NDUFA10: variants seen among roughly 807,000 people sequenced by gnomAD.
NDUFA10 encodes NADH:ubiquinone oxidoreductase subunit A10.
In NDUFA10, 40 loss-of-function variants were observed where a neutral mutation model predicts 47.8. The observed-to-expected ratio is 0.84, with a 90% CI of 0.65 to 1.09. The LOEUF (loss-of-function observed/expected upper bound fraction) is 1.09, where lower values mean the gene tolerates loss of function less well. Among genes scored for constraint, NDUFA10 ranks in the 50% least tolerant of loss-of-function variants. The pLI, the probability that NDUFA10 is intolerant of heterozygous loss-of-function variation, is 0.00. For synonymous variants in NDUFA10, 183 were observed against 172.2 expected (o/e 1.06, Z -0.49); for missense variants, 413 against 451.1 (o/e 0.92, Z 0.76).
Position 239,945,549 on chromosome 2 carries a change from G to A in NDUFA10, c.294+44525C>T, listed in dbSNP as rs968563219. Among the ~76,000 whole-genome samples the A allele has an allele frequency of 3.3e-5, 5 of 152,100 alleles. No individual in the cohort carries two copies. Among genetic ancestry groups the A allele is most frequent in the African/African-American group, 1.2e-4 (5 of 41,430 alleles). ...TCAGGGCTGCAGTCTACCCCGTATG[G>A]CCAGGCTGGGAGGATCCTGGGGGCT... On this transcript the variant is annotated intron_variant, in intron 4 of 5. Transcript: ENST00000419408. The surrounding 1 kb of genome is among the most constrained non-coding windows in gnomAD (Gnocchi z 4.6).
chr2:239,923,415 T>A (rs1200383132), intron 4 of NDUFA10, among the ~76,000 whole-genome samples: 1 of 152,060 alleles, frequency 6.6e-6, no homozygotes, highest in Non-Finnish European at 1.5e-5. Flanking sequence ...ACTGAAACCA[T>A]ACAAAATATG....
At chr2:239,956,736 G>A (rs1036168020), downstream of NDUFA10, among the ~76,000 whole-genome samples, 3 of 152,178 alleles carry the variant, frequency 2.0e-5, no homozygotes, top group Non-Finnish European at 4.4e-5. Context: ...GGAGACAAAC[G>A]CGCTCGTTCT....
intron 4 of NDUFA10, among the ~76,000 whole-genome samples, chr2:239,931,362 T>C (rs940698593): frequency 2.0e-5 from 3 of 152,190 alleles, no homozygotes; most frequent in African/African-American, 7.2e-5. Context: ...TCGATGACAC[T>C]TGTCATTGGA....
intron 4 of NDUFA10, among the ~76,000 whole-genome samples, chr2:239,929,615 G>GCCCTGCTCCTCCACTGC (rs1694125047): frequency 2.7e-5 from 4 of 146,582 alleles, no homozygotes; most frequent in Non-Finnish European, 4.5e-5. Context: ...TTCTCCACCA[G>GCCCTGCTCCTCCACTGC]CCCTGCTCCT....
Position 239,959,939 on chromosome 2 carries a change from C to G in NDUFA10, c.*1179G>C. ...CAGCAGCGAGGCCTGGTAGAGCTTC[C>G]GCGGGGAGCAGAGCATCGTCCTCTG... On this transcript the variant is annotated 3_prime_UTR_variant, in exon 10 of 10. Coordinates refer to ENST00000252711, the MANE Select transcript of NDUFA10 (RefSeq NM_004544.4). The G allele has an allele frequency of 2.0e-6, 2 of 985,498 alleles. No homozygotes were observed. The highest frequency in any genetic ancestry group is 2.4e-6 in the Non-Finnish European group (2 of 829,952). The allele number at this position is 985,498 out of a possible 1,614,324, so 61.0% of individuals were successfully genotyped here.
chr2:240,017,545 C>T (rs1336366906), intron 4 of NDUFA10, among the ~76,000 whole-genome samples: 2 of 152,176 alleles, frequency 1.3e-5, no homozygotes, highest in African/African-American at 4.8e-5. Flanking sequence ...ATTGGTTCAA[C>T]AGCCCCCAAC....
intron 4 of NDUFA10, among the ~76,000 whole-genome samples, chr2:240,015,674 T>G (rs536012856): frequency 1.4e-3 from 208 of 152,068 alleles, no homozygotes; most frequent in African/African-American, 4.8e-3. Flanking sequence ...CTGCCGCTCT[T>G]CAGAGCACTC....
chr2:239,962,140 C>T (rs569565345), intron 9 of NDUFA10, among the ~76,000 whole-genome samples: 5 of 151,720 alleles, frequency 3.3e-5, no homozygotes, highest in Admixed American at 1.3e-4. Flanking sequence ...TGTCGCCCAG[C>T]GATGGCAGGT....
intron 4 of NDUFA10, among the ~76,000 whole-genome samples, chr2:239,895,611 T>A (rs181507189): frequency 1.0e-3 from 157 of 152,336 alleles, no homozygotes; most frequent in Non-Finnish European, 1.8e-3. Context: ...GTAAAGAAAA[T>A]TTCAATTTTT....
chr2:239,932,422 C>T (rs551651481), intron 4 of NDUFA10, among the ~76,000 whole-genome samples: 16 of 152,340 alleles, frequency 1.1e-4, no homozygotes, highest in African/African-American at 3.8e-4. Flanking sequence ...AGCAGTAAAA[C>T]ATTTCTGCGC....
chr2:239,974,670 A>G (rs191963277), intron 9 of NDUFA10, among the ~76,000 whole-genome samples: 1 of 152,266 alleles, frequency 6.6e-6, no homozygotes, highest in East Asian at 1.9e-4. Flanking sequence ...TCATTTAAAA[A>G]TATGTGACAC....
In NDUFA10 at chr2:239,960,689, C is replaced by A; in HGVS notation, c.*429G>T. ...CAGGGCCCAGAGCAGCGTGTGTGCA[C>A]GTGTGCAGTTTCGACGTGCCCGCAC... is the stretch of plus-strand genomic sequence containing the variant. On this transcript the variant is annotated 3_prime_UTR_variant, in exon 10 of 10. Transcript: ENST00000252711. 8.7e-7 allele frequency: 1 copy of A among 1,155,558 alleles called. No homozygotes were observed. The highest frequency in any genetic ancestry group is 5.9e-5 in the East Asian group (1 of 16,954). 71.6% of individuals were successfully genotyped at this position (1,155,558 alleles called of 1,614,324 possible).
rs1694068382 is a variant in NDUFA10, at chr2:239,926,526, C to T, written c.295-31212G>A. On this transcript the variant is annotated intron_variant, in intron 4 of 5. Coordinates refer to the NDUFA10 transcript ENST00000419408. ...ATGCAATTATGTACAGTACATAATA[C>T]TGATGAAAATAACTGACGATATTTC... Among the ~76,000 whole-genome samples, 3 of 152,084 alleles carry T rather than the reference C, an allele frequency of 2.0e-5. 1 individual carries two copies. In the South Asian group the frequency reaches 6.2e-4, roughly 31 times the overall value.
At chr2:239,908,410 G>T (rs1037710357) in intron 4 of NDUFA10, among the ~76,000 whole-genome samples, 6 of 152,166 alleles carry the variant, frequency 3.9e-5, no homozygotes, top group Admixed American at 3.3e-4. Context: ...AAAAACAAAA[G>T]AAAAAGAAAA....
downstream of NDUFA10, among the ~76,000 whole-genome samples, chr2:239,952,400 G>A (rs180780421): frequency 3.4e-3 from 520 of 152,198 alleles, 5 homozygotes; most frequent in Non-Finnish European, 4.4e-3. Flanking sequence ...TGTGCAGCCC[G>A]CAGCAAACCC....
chr2:239,910,215 A>G (rs1348356923), intron 4 of NDUFA10, among the ~76,000 whole-genome samples: 1 of 152,232 alleles, frequency 6.6e-6, no homozygotes, highest in East Asian at 1.9e-4. Context: ...CTGTTACTGC[A>G]TATATACTCA....
intron 3 of NDUFA10, 127 bp downstream of exon 3, chr2:240,021,070 G>T: frequency 2.6e-6 from 2 of 762,370 alleles, no homozygotes; most frequent in Non-Finnish European, 4.5e-6. Context: ...TGATCTTGTT[G>T]GAAAGACAGA....
rs185729636 is a variant in NDUFA10, at chr2:239,918,245, T to G, written c.295-22931A>C. Among the ~76,000 whole-genome samples, 214 of 152,068 alleles carry G rather than the reference T, an allele frequency of 1.4e-3. 1 individual carries two copies. Among genetic ancestry groups the G allele is most frequent in the African/African-American group, 4.9e-3 (202 of 41,488 alleles). On this transcript the variant is annotated intron_variant, in intron 4 of 5. Coordinates refer to the NDUFA10 transcript ENST00000419408. ...GCCATGTTGCCAGGAAAACCCACCA[T>G]TGGGTATTTTCCACTGAGGTCCCAC...
At chr2:239,967,898 T>C (rs531758286) in intron 9 of NDUFA10, among the ~76,000 whole-genome samples, 29 of 152,172 alleles carry the variant, frequency 1.9e-4, no homozygotes, top group Admixed American at 5.9e-4. Context: ...GGCTCTTCTC[T>C]TGGGTGCACA....
Sources: allele counts gnomAD v4.1 joint callset (sites outside exome capture counted in the v4.1 genomes callset), GRCh38; gene constraint gnomAD v4.1.1; non-coding constraint Gnocchi (gnomAD v3.1); transcripts MANE v1.5; gene names NCBI Gene and HGNC (gene_info 2026-07-23, HGNC 2026-07-21).